Variants in IGF2BP1 observed in about 807,000 individuals in gnomAD.
IGF2BP1 encodes the protein insulin-like growth factor 2 mRNA-binding protein 1.
A neutral mutation model predicts 74.9 loss-of-function variants in IGF2BP1; 11 were observed. The observed-to-expected ratio is 0.15, with a 90% CI of 0.09 to 0.24. The LOEUF is 0.24. Among genes scored for constraint, IGF2BP1 ranks in the 10% least tolerant of loss-of-function variants. IGF2BP1 has a pLI of 1.00. For missense variants in IGF2BP1, 440 were observed against 757.4 expected (o/e 0.58, Z 4.92); for synonymous variants, 287 against 281.8 (o/e 1.02, Z -0.18).
At chr17:49,022,705 C>T (rs1458238277) in intron 2 of IGF2BP1, among the ~76,000 whole-genome samples, 1 of 152,192 alleles carries the variant, frequency 6.6e-6, no homozygotes, top group Non-Finnish European at 1.5e-5. Context: ...TTTGATTTCA[C>T]CACTGCCACC....
chr17:49,005,048 T>C (rs1420186159), intron 2 of IGF2BP1, among the ~76,000 whole-genome samples: 1 of 152,160 alleles, frequency 6.6e-6, no homozygotes, highest in Non-Finnish European at 1.5e-5. Context: ...TATGTACTTA[T>C]TACTGGATAG....
chr17:49,026,948 G>A (rs2041865841), intron 4 of IGF2BP1, among the ~76,000 whole-genome samples: 1 of 152,124 alleles, frequency 6.6e-6, no homozygotes, highest in Non-Finnish European at 1.5e-5. Flanking sequence ...TCACCACGTT[G>A]GCCAGGATGG....
At position 49,054,143 on chromosome 17, in the gene IGF2BP1, C is replaced by G. The variant is rs1263071652; in HGVS notation, c.*4699C>G. The G allele has an allele frequency of 6.6e-6, 1 of 152,634 alleles. No individual in the cohort carries two copies. Among genetic ancestry groups the G allele is most frequent in the Non-Finnish European group, 1.5e-5 (1 of 68,076 alleles). The allele number at this position is 152,634 out of a possible 1,614,324, so 9.5% of individuals were successfully genotyped here. A position where few individuals can be genotyped will look rare whatever the true frequency, so the allele number is the denominator to read the frequency against. ...ACGGGACAGGGAGGAGGCCTCATGT[C>G]TGAAGGGGGATTTAGGGGCGAGAGC... On this transcript the variant is annotated 3_prime_UTR_variant, in exon 15 of 15. Transcript: ENST00000290341.
Position 49,051,907 on chromosome 17 carries a change from G to A in IGF2BP1, c.*2463G>A, listed in dbSNP as rs2042171928. The A allele has an allele frequency of 6.6e-6, 1 of 151,794 alleles. No individual in the cohort carries two copies. 9.4% of individuals were successfully genotyped at this position (151,794 alleles called of 1,614,324 possible). On this transcript the variant is annotated 3_prime_UTR_variant, in exon 15 of 15. Transcript: ENST00000290341. ...CCTAATCTATATCCATAGATCTAAG[G>A]GGCAAACAGATACTAGTTAACTGCC... is the stretch of plus-strand genomic sequence containing the variant.
In IGF2BP1 at chr17:49,043,507, C is replaced by T; in HGVS notation, c.1157C>T (p.Pro386Leu). 2 of 1,614,156 alleles carry T rather than the reference C, an allele frequency of 1.2e-6. No homozygotes were observed. The highest frequency in any genetic ancestry group is 2.2e-5 in the East Asian group (1 of 44,872). Residue 386 changes from proline (P) to leucine (L), a missense_variant, in exon 10 of 15, where the codon CCT becomes CTT. Pro to Leu is a moderately conservative substitution (Grantham distance 98). Around this residue, in one of 5 missense-constraint regions of IGF2BP1, gnomAD observed 31 missense variants for 27.0 expected, o/e 1.15. Coordinates refer to ENST00000290341, the MANE Select transcript of IGF2BP1 (RefSeq NM_006546.4). ...GCTTCATCCAGCGCAGTCCCGCCGC[C>T]TCCCAGCAGCGTTACTGGGGCTGCT... ...FPASSSAVPP[P>L]PSSVTGAAPY...
intron 14 of IGF2BP1, among the ~76,000 whole-genome samples, chr17:49,048,625 G>T (rs1003814254): frequency 6.6e-6 from 1 of 152,008 alleles, no homozygotes; most frequent in Admixed American, 6.6e-5. Flanking sequence ...TGTCTTCTAA[G>T]TTACGACCCT....
rs1057492051 is a variant in IGF2BP1 at position 49,037,803 on chromosome 17, T to C, written c.402-365T>C. Among the ~76,000 whole-genome samples, 6 of 152,192 alleles carry C rather than the reference T, an allele frequency of 3.9e-5. No homozygotes were observed. In the East Asian group the frequency reaches 1.2e-3, roughly 29 times the overall value. The stretch of plus-strand genomic sequence containing the variant: ...GCCTCTTCAGGTCTGTGGTAGGCTT[T>C]CCAGTTGGCATGGGAGTACTTTGAG... On this transcript the variant is annotated intron_variant, in intron 5 of 14. Coordinates refer to ENST00000290341, the MANE Select transcript of IGF2BP1 (RefSeq NM_006546.4).
At chr17:49,043,858 G>A (rs1229002665) in intron 10 of IGF2BP1, 109 bp from the exon 11 acceptor site, 10 of 1,474,898 alleles carry the variant, frequency 6.8e-6, no homozygotes, top group East Asian at 4.5e-5. Flanking sequence ...CCAGGGTGGC[G>A]GTTTGGTGCC....
chr17:49,035,683 G>T (rs2144101630), intron 5 of IGF2BP1, among the ~76,000 whole-genome samples: 1 of 152,312 alleles, frequency 6.6e-6, no homozygotes, highest in East Asian at 1.9e-4. Flanking sequence ...GCCCTCCGAG[G>T]TCTCCCCTGG....
In IGF2BP1 at chr17:49,042,279, A is replaced by G; in HGVS notation, c.979A>G (p.Ile327Val). The change falls in exon 9 of 15, where the codon ATC becomes GTC. Residue 327 changes from isoleucine to valine, a missense_variant. Ile to Val is a conservative substitution (Grantham distance 29). Coordinates refer to ENST00000290341, the MANE Select transcript of IGF2BP1 (RefSeq NM_006546.4). ...TACCCTTTACAACCCTGAGAGGACC[A>G]TCACTGTGAAGGGGGCCATCGAGAA... ...DLTLYNPERTITVKGAIENCC... is the reference protein window; with the variant it reads ...DLTLYNPERTVTVKGAIENCC... 6.2e-7 allele frequency: 1 copy of G among 1,614,176 alleles called. No homozygotes were observed. Among genetic ancestry groups the G allele is most frequent in the South Asian group, 1.1e-5 (1 of 91,076 alleles).
At chr17:49,044,316 TAGAA>T (rs1248050910) in intron 11 of IGF2BP1, among the ~76,000 whole-genome samples, 7 of 152,248 alleles carry the variant, frequency 4.6e-5, no homozygotes, top group Admixed American at 2.0e-4. Context: ...GGTTATAACA[TAGAA>T]AGAGAACTTA....
chr17:48,999,499 A>C (rs1050296408), intron 2 of IGF2BP1, among the ~76,000 whole-genome samples: 7 of 152,046 alleles, frequency 4.6e-5, no homozygotes, highest in Non-Finnish European at 1.0e-4. Context: ...GGGGAACCTT[A>C]AAATCTTTGA....
chr17:49,023,712 T>C (rs890774215), intron 2 of IGF2BP1, among the ~76,000 whole-genome samples: 6 of 152,208 alleles, frequency 3.9e-5, no homozygotes, highest in African/African-American at 1.4e-4. Context: ...CTAGTTCAGT[T>C]TTCCTTCAAG....
In IGF2BP1 at chr17:49,049,639, G is replaced by T; in HGVS notation, c.*195G>T. 1.8e-6 allele frequency: 1 copy of T among 553,952 alleles called. No individual in the cohort carries two copies. Among genetic ancestry groups the T allele is most frequent in the Non-Finnish European group, 3.2e-6 (1 of 309,884 alleles). 34.3% of individuals were successfully genotyped at this position (553,952 alleles called of 1,614,324 possible). Reference sequence around the variant, plus strand: ...CTCAGCCCCAAACACCCACCCAATTGGCCCAACACTGTCTGCCCCTCGGGG... The same window carrying T: ...CTCAGCCCCAAACACCCACCCAATTTGCCCAACACTGTCTGCCCCTCGGGG... On this transcript the variant is annotated 3_prime_UTR_variant, in exon 15 of 15. Coordinates refer to ENST00000290341, the MANE Select transcript of IGF2BP1 (RefSeq NM_006546.4).
chr17:49,038,008 G>A (rs1290097380), intron 5 of IGF2BP1, among the ~76,000 whole-genome samples, 160 bp from the exon 6 acceptor site: 2 of 152,330 alleles, frequency 1.3e-5, no homozygotes, highest in Non-Finnish European at 2.9e-5. Context: ...ATTTAGACTG[G>A]AAAGTTGTGA....
chr17:49,019,952 A>ATATATATATT (rs1383608513), intron 2 of IGF2BP1, among the ~76,000 whole-genome samples: 4 of 40,652 alleles, frequency 9.8e-5, no homozygotes, highest in East Asian at 2.9e-4. Context: ...ATATATATTT[A>ATATATATATT]TATACACACA....
chr17:49,045,797 C>A, intron 12 of IGF2BP1, 93 bp from the exon 13 acceptor site: 1 of 1,404,378 alleles, frequency 7.1e-7, no homozygotes, highest in Admixed American at 2.1e-5. Flanking sequence ...GGCCTGTGGG[C>A]CAGAAAATAT....
In IGF2BP1 at chr17:48,997,510, G is replaced by A; in HGVS notation, c.-236G>A. The A allele has an allele frequency of 8.1e-6, 4 of 494,294 alleles. No homozygotes were observed. Among genetic ancestry groups the A allele is most frequent in the Non-Finnish European group, 1.4e-5 (4 of 279,256 alleles). 30.6% of individuals were successfully genotyped at this position (494,294 alleles called of 1,614,324 possible). A position where few individuals can be genotyped will look rare whatever the true frequency, so the allele number is the denominator to read the frequency against. On this transcript the variant is annotated 5_prime_UTR_variant, in exon 1 of 15. Coordinates refer to ENST00000290341, the MANE Select transcript of IGF2BP1 (RefSeq NM_006546.4). The surrounding 1 kb of genome is among the most constrained non-coding windows in gnomAD (Gnocchi z 4.8). ...GGGAAGAAGCTGCGCCGTGTCGTCC[G>A]TCTCCCTGCGCGCCGCGGGCACTTC...
rs1479702605 is a variant in IGF2BP1, at chr17:49,052,670, C to T, written c.*3226C>T. ...CTTGGTGGGCCGGGCCCTCTTGTGC[C>T]CCGTAGGCTAGGTCTTAGGGCAACT... On this transcript the variant is annotated 3_prime_UTR_variant, in exon 15 of 15. Coordinates refer to ENST00000290341, the MANE Select transcript of IGF2BP1 (RefSeq NM_006546.4). 6.6e-6 allele frequency: 1 copy of T among 152,304 alleles called. No individual in the cohort carries two copies. Among genetic ancestry groups the T allele is most frequent in the African/African-American group, 2.4e-5 (1 of 41,318 alleles). 9.4% of individuals were successfully genotyped at this position (152,304 alleles called of 1,614,324 possible). A position where few individuals can be genotyped will look rare whatever the true frequency, so the allele number is the denominator to read the frequency against.
Sources: allele counts gnomAD v4.1 joint callset (sites outside exome capture counted in the v4.1 genomes callset), GRCh38; gene constraint gnomAD v4.1.1; regional missense constraint gnomAD v4.1.1; non-coding constraint Gnocchi (gnomAD v3.1); transcripts MANE v1.5; gene names NCBI Gene and HGNC (gene_info 2026-07-23, HGNC 2026-07-21).